The following MACROD2 variants were observed in gnomAD, a reference collection of about 807,000 sequenced individuals.
MACROD2 encodes the protein ADP-ribose glycohydrolase MACROD2.
A neutral mutation model predicts 70.4 loss-of-function variants in MACROD2; 36 were observed. That is an observed-to-expected ratio of 0.51 (90% CI 0.39 to 0.68). The LOEUF is 0.68. Ranked by LOEUF, MACROD2 falls within the 30% of genes least tolerant of loss-of-function variation. The probability of loss-of-function intolerance (pLI) is 0.00; values close to 1 mark genes in which losing one functional copy is unlikely to be tolerated. For missense variants in MACROD2, 496 were observed against 538.4 expected, an observed-to-expected ratio of 0.92 and a Z score of 0.78; for synonymous variants, 172 against 178.8, an observed-to-expected ratio of 0.96 and a Z score of 0.30.
intron 4 of MACROD2, among the ~76,000 whole-genome samples, chr20:14,581,287 A>G (rs1981000880): frequency 1.3e-5 from 2 of 152,242 alleles, no homozygotes; most frequent in Admixed American, 1.3e-4. Flanking sequence ...AAAAATTCTC[A>G]TGTTCTAGCC....
chr20:15,554,702 T>A (rs1416664608), intron 8 of MACROD2, among the ~76,000 whole-genome samples: 1 of 152,230 alleles, frequency 6.6e-6, no homozygotes, highest in Non-Finnish European at 1.5e-5. Context: ...TTTAAATTTC[T>A]TCTTTTGGAA....
chr20:14,608,168 A>G (rs900289425), intron 4 of MACROD2, among the ~76,000 whole-genome samples: 5 of 152,254 alleles, frequency 3.3e-5, no homozygotes, highest in African/African-American at 1.2e-4. Flanking sequence ...AGGCAGGAGA[A>G]TCACTTGAAC....
At chr20:15,771,796 C>T (rs1600867243) in intron 8 of MACROD2, among the ~76,000 whole-genome samples, 1 of 151,696 alleles carries the variant, frequency 6.6e-6, no homozygotes, top group Non-Finnish European at 1.5e-5. Context: ...GTTTTAAAAT[C>T]TTTCTGGGCC....
intron 8 of MACROD2, among the ~76,000 whole-genome samples, chr20:15,644,518 A>G (rs897138535): frequency 3.3e-5 from 5 of 152,166 alleles, no homozygotes; most frequent in African/African-American, 1.2e-4. Flanking sequence ...TAACAGTACT[A>G]ATGACAATAA....
Position 15,531,249 on chromosome 20 carries a change from C to T in MACROD2, c.645+31402C>T, listed in dbSNP as rs182719929. Among the ~76,000 whole-genome samples, 24 of 151,468 alleles carry T rather than the reference C, an allele frequency of 1.6e-4. No homozygotes were observed. The East Asian group carries it at 4.6e-3, about 29-fold the overall frequency. ...CTAAATCCCATTGTATTTTACTTCT[C>T]TGAAAATTATTTTAAGATTATACAT... On this transcript the variant is annotated intron_variant, in intron 8 of 17. Transcript: ENST00000684519.
At chr20:14,555,750 G>A (rs1214945759) in intron 4 of MACROD2, among the ~76,000 whole-genome samples, 2 of 152,026 alleles carry the variant, frequency 1.3e-5, no homozygotes. Context: ...CATGGGGGAC[G>A]TTGTGCTCTA....
chr20:15,801,881 G>C (rs1303954325), intron 8 of MACROD2, among the ~76,000 whole-genome samples: 1 of 151,952 alleles, frequency 6.6e-6, no homozygotes, highest in African/African-American at 2.4e-5. Flanking sequence ...TCTTTCATTA[G>C]TGTTTTCTAG....
At chr20:15,094,731 TC>T (rs1308413795) in intron 5 of MACROD2, among the ~76,000 whole-genome samples, 3 of 152,198 alleles carry the variant, frequency 2.0e-5, no homozygotes, top group African/African-American at 4.8e-5. Flanking sequence ...TATTTTAAAA[TC>T]TTTTTCTTTG....
At chr20:15,905,384 G>A (rs1487849384) in intron 10 of MACROD2, among the ~76,000 whole-genome samples, 1 of 152,132 alleles carries the variant, frequency 6.6e-6, no homozygotes, top group African/African-American at 2.4e-5. Context: ...AACTTTAAAG[G>A]TACCTTTCTT....
intron 3 of MACROD2, among the ~76,000 whole-genome samples, chr20:14,412,099 C>T (rs1016033452): frequency 1.3e-5 from 2 of 152,118 alleles, no homozygotes; most frequent in Non-Finnish European, 2.9e-5. Context: ...CTTTTAAGCT[C>T]AAATTGCATC....
intron 8 of MACROD2, among the ~76,000 whole-genome samples, chr20:15,511,106 A>T (rs989864942): frequency 1.2e-4 from 18 of 152,220 alleles, no homozygotes; most frequent in African/African-American, 4.3e-4. Flanking sequence ...TCCACAGCAA[A>T]GGTTGCAGCC....
At chr20:14,862,298 T>TATATAA (rs1411906366) in intron 5 of MACROD2, among the ~76,000 whole-genome samples, 2 of 26,626 alleles carry the variant, frequency 7.5e-5, no homozygotes, top group African/African-American at 3.5e-4. Context: ...TTTATATAAA[T>TATATAA]ATATATAAAT....
At chr20:15,088,395 TTTTATATATATATATATATATATATA>T (rs989625186) in intron 5 of MACROD2, among the ~76,000 whole-genome samples, 1 of 103,270 alleles carries the variant, frequency 9.7e-6, no homozygotes, top group African/African-American at 4.2e-5. Flanking sequence ...ATATACTATA[TTTTATATATATATATATATATATATA>T]TATATATATA....
At chr20:14,357,662 G>A (rs114578081) in intron 3 of MACROD2, among the ~76,000 whole-genome samples, 1 of 152,312 alleles carries the variant, frequency 6.6e-6, no homozygotes, top group African/African-American at 2.4e-5. Context: ...ACTATGAAGT[G>A]TGATTTCCAC....
intron 2 of MACROD2, among the ~76,000 whole-genome samples, chr20:14,066,863 G>A (rs1249968859): frequency 7.0e-6 from 1 of 143,110 alleles, no homozygotes; most frequent in African/African-American, 2.6e-5. Flanking sequence ...CCAGGCTGGA[G>A]AGCAGTGGCG....
intron 8 of MACROD2, among the ~76,000 whole-genome samples, chr20:15,642,597 AACACACACACACAC>A (rs56698663): frequency 0.04 from 5,821 of 147,070 alleles, 147 homozygotes; most frequent in Admixed American, 0.075. Context: ...ACCTGTCATG[AACACACACACACAC>A]ACACACACAC....
intron 5 of MACROD2, among the ~76,000 whole-genome samples, chr20:15,227,457 A>C (rs1249621441): frequency 6.6e-6 from 1 of 151,888 alleles, no homozygotes; most frequent in Non-Finnish European, 1.5e-5. Context: ...ACTCCAGATA[A>C]GAGGCACTTA....
At position 14,771,419 on chromosome 20, in the gene MACROD2, AG is replaced by A. The variant is rs759824572; in HGVS notation, c.418+86462del. ...CATATTATAATTATAACTATAAAGT[AG>A]GTAATATATTTTTAATAGAAGAACA... On this transcript the variant is annotated intron_variant, in intron 5 of 17. Transcript: ENST00000684519. Among the ~76,000 whole-genome samples the A allele has an allele frequency of 2.6e-4, 39 of 152,196 alleles. No homozygotes were observed. In the East Asian group the frequency reaches 6.6e-3, roughly 26 times the overall value.
chr20:15,598,568 C>A (rs2048776181), intron 8 of MACROD2, among the ~76,000 whole-genome samples: 1 of 152,050 alleles, frequency 6.6e-6, no homozygotes, highest in South Asian at 2.1e-4. Context: ...AGGTGAGATC[C>A]CAGGATTCTA....
Sources: allele counts gnomAD v4.1 joint callset (sites outside exome capture counted in the v4.1 genomes callset), GRCh38; gene constraint gnomAD v4.1.1; transcripts MANE v1.5; gene names NCBI Gene and HGNC (gene_info 2026-07-23, HGNC 2026-07-21).